IQSEC1: variants seen among roughly 807,000 people sequenced by gnomAD.
IQSEC1 encodes IQ motif and SEC7 domain-containing protein 1.
IQSEC1 carries 31 observed loss-of-function variants against 91.0 expected under a neutral mutation model. That is an observed-to-expected ratio of 0.34 (90% CI 0.26 to 0.46). The LOEUF (loss-of-function observed/expected upper bound fraction) is 0.46. IQSEC1 is among the 20% of genes least tolerant of loss of function. The pLI is 1.00. For synonymous variants in IQSEC1, 699 were observed against 662.6 expected (o/e 1.05, Z -0.84); for missense variants, 1,388 against 1,575.6 (o/e 0.88, Z 2.02).
intron 1 of IQSEC1, among the ~76,000 whole-genome samples, chr3:13,032,721 C>A (rs1336060106): frequency 6.6e-6 from 1 of 151,998 alleles, no homozygotes; most frequent in African/African-American, 2.4e-5. Context: ...GTAGCTGGGA[C>A]TACAGGCGCC....
chr3:13,219,016 G>GAA (rs1416191299), intron 1 of IQSEC1, among the ~76,000 whole-genome samples: 5 of 152,180 alleles, frequency 3.3e-5, no homozygotes, highest in Non-Finnish European at 7.3e-5. Flanking sequence ...CAGCCACCCT[G>GAA]GTCCAGGCCA....
chr3:13,279,384 T>C (rs979069061), intron 1 of IQSEC1, among the ~76,000 whole-genome samples: 3 of 152,178 alleles, frequency 2.0e-5, no homozygotes, highest in Non-Finnish European at 4.4e-5. Context: ...TCACTGTATT[T>C]TTTCCTGTTA....
chr3:13,185,267 G>A (rs1693911587), intron 1 of IQSEC1, among the ~76,000 whole-genome samples: 1 of 152,096 alleles, frequency 6.6e-6, no homozygotes, highest in Admixed American at 6.5e-5. Flanking sequence ...TGTTTAGAAG[G>A]CCAGCACCCA....
At chr3:13,098,461 C>A (rs537229161) in intron 2 of IQSEC1, among the ~76,000 whole-genome samples, 1 of 151,924 alleles carries the variant, frequency 6.6e-6, no homozygotes, top group African/African-American at 2.4e-5. Context: ...AGAAAGGGAA[C>A]GGTCTACAAA....
chr3:13,088,241 G>T (rs151173304), intron 2 of IQSEC1, among the ~76,000 whole-genome samples: 1 of 152,338 alleles, frequency 6.6e-6, no homozygotes, highest in Non-Finnish European at 1.5e-5. Context: ...GGTGGCGAAG[G>T]AACAGATGAA....
At chr3:13,223,720 C>T (rs992156551) in intron 1 of IQSEC1, among the ~76,000 whole-genome samples, 2 of 152,186 alleles carry the variant, frequency 1.3e-5, no homozygotes, top group African/African-American at 4.8e-5. Flanking sequence ...GAAGTCAAAG[C>T]AAAGGCATTA....
intron 1 of IQSEC1, among the ~76,000 whole-genome samples, chr3:13,273,044 A>T (rs1695615172): frequency 6.6e-6 from 1 of 152,220 alleles, no homozygotes; most frequent in African/African-American, 2.4e-5. Flanking sequence ...AGTTACATAC[A>T]TCAAGGATGT....
chr3:13,107,696 C>T (rs1250713990), intron 2 of IQSEC1, among the ~76,000 whole-genome samples: 1 of 152,242 alleles, frequency 6.6e-6, no homozygotes, highest in Non-Finnish European at 1.5e-5. Context: ...CCCCATTTCC[C>T]TAGGCCCGAG....
upstream of IQSEC1, among the ~76,000 whole-genome samples, chr3:13,073,466 C>G (rs570167849): frequency 6.6e-6 from 1 of 152,180 alleles, no homozygotes; most frequent in Non-Finnish European, 1.5e-5. Flanking sequence ...TCCCCCACCC[C>G]CCGCGCCCAA....
At chr3:12,965,962 T>A (rs962991733) in intron 1 of IQSEC1, among the ~76,000 whole-genome samples, 2 of 152,184 alleles carry the variant, frequency 1.3e-5, no homozygotes, top group African/African-American at 2.4e-5. Context: ...AGGCACTCAA[T>A]AAACCACAGA....
rs1050459873 is a variant in IQSEC1, at chr3:13,282,692, C to T, written c.272+19G>A. ...GTTCCCACGTCCCCGACACGCCCGC[C>T]GCCCCGGGCCCCGCTTACTTGTCGC... On this transcript the variant is annotated intron_variant, in intron 1 of 15. Coordinates refer to the IQSEC1 transcript ENST00000648114. This position sits in a 1 kb window ranked among gnomAD's most constrained non-coding sequence, Gnocchi z 6.4. 1.3e-5 allele frequency among the ~76,000 whole-genome samples: 2 copies of T among 151,014 alleles called. No homozygotes were observed. The highest frequency in any genetic ancestry group is 4.8e-5 in the African/African-American group (2 of 41,252).
chr3:13,002,910 C>T (rs1235043231), intron 1 of IQSEC1, among the ~76,000 whole-genome samples: 2 of 152,176 alleles, frequency 1.3e-5, no homozygotes, highest in Non-Finnish European at 2.9e-5. Context: ...CTTTGGAAAA[C>T]AGTTTGGCCA....
chr3:12,982,801 C>T (rs1254960916), intron 1 of IQSEC1, among the ~76,000 whole-genome samples: 2 of 152,324 alleles, frequency 1.3e-5, no homozygotes, highest in East Asian at 3.9e-4. Context: ...TGTTGTTGGT[C>T]ACTTCAGGAA....
intron 1 of IQSEC1, among the ~76,000 whole-genome samples, chr3:13,219,264 AAGTTCACTGGT>A (rs1694609051): frequency 6.6e-6 from 1 of 152,148 alleles, no homozygotes; most frequent in Admixed American, 6.5e-5. Flanking sequence ...ACCTGCTCCC[AAGTTCACTGGT>A]AAGAGGAAGC....
chr3:12,939,953 C>T (rs1218411959), intron 2 of IQSEC1, among the ~76,000 whole-genome samples: 1 of 152,206 alleles, frequency 6.6e-6, no homozygotes, highest in African/African-American at 2.4e-5. Context: ...CATGGGCACC[C>T]AACACAGTGT....
chr3:13,259,564 AG>A lies in IQSEC1; in HGVS notation c.272+23146del, dbSNP rs1695346828. ...GCCTTCGAGGCGGGCTGATGGATGC[AG>A]TGTTTAAGCCATAACTGTTTTCACT... On this transcript the variant is annotated intron_variant, in intron 1 of 15. Transcript: ENST00000648114. The surrounding 1 kb of genome is among the most constrained non-coding windows in gnomAD (Gnocchi z 4.6). Among the ~76,000 whole-genome samples the A allele has an allele frequency of 6.6e-6, 1 of 152,234 alleles. No individual in the cohort carries two copies. The highest frequency in any genetic ancestry group is 2.4e-5 in the African/African-American group (1 of 41,448).
chr3:13,051,981 C>T (rs1704707501), intron 1 of IQSEC1, among the ~76,000 whole-genome samples: 1 of 152,174 alleles, frequency 6.6e-6, no homozygotes, highest in African/African-American at 2.4e-5. Context: ...ATCCTGTGTG[C>T]CCCTCCCCTA....
At chr3:13,062,466 C>T (rs919324794) in intron 1 of IQSEC1, among the ~76,000 whole-genome samples, 1 of 152,222 alleles carries the variant, frequency 6.6e-6, no homozygotes, top group African/African-American at 2.4e-5. Context: ...CTGGGCAGCA[C>T]ATAAGGAGTT....
At chr3:13,281,222 G>C (rs558624484) in intron 1 of IQSEC1, among the ~76,000 whole-genome samples, 1 of 152,258 alleles carries the variant, frequency 6.6e-6, no homozygotes, top group East Asian at 1.9e-4. Flanking sequence ...CCTGGTGTGG[G>C]AGAAAGGGCC....
Sources: gnomAD v4.1 joint callset for allele counts (sites outside exome capture counted in the v4.1 genomes callset) on GRCh38, gnomAD v4.1.1 for gene constraint, Gnocchi (gnomAD v3.1) non-coding constraint, MANE v1.5 for transcripts, NCBI Gene and HGNC (gene_info 2026-07-23, HGNC 2026-07-21) for gene names.